KLRG2: variants seen among roughly 807,000 people sequenced by gnomAD.
The protein encoded by KLRG2 is killer cell lectin-like receptor subfamily G member 2.
In KLRG2, 39 loss-of-function variants were observed where a neutral mutation model predicts 35.4. That is an observed-to-expected ratio of 1.10 (90% CI 0.85 to 1.44). The LOEUF is 1.44. Among genes scored for constraint, KLRG2 ranks in the 40% most tolerant of loss-of-function variants. The pLI is 0.00. For missense variants in KLRG2, 632 were observed against 570.9 expected, an observed-to-expected ratio of 1.11 and a Z score of -1.09; for synonymous variants, 283 against 265.8, an observed-to-expected ratio of 1.06 and a Z score of -0.63.
chr7:139,454,860 ATAATAAC>A (rs1362369187), intron 3 of KLRG2, among the ~76,000 whole-genome samples: 78 of 132,948 alleles, frequency 5.9e-4, no homozygotes, highest in African/African-American at 2.3e-3. Context: ...AATAATAATA[ATAATAAC>A]ACACGCAGAT....
intron 3 of KLRG2, among the ~76,000 whole-genome samples, chr7:139,465,249 C>T (rs1585168625): frequency 6.6e-6 from 1 of 152,200 alleles, no homozygotes; most frequent in Non-Finnish European, 1.5e-5. Context: ...GACTACGCAT[C>T]GATATTTATA....
chr7:139,477,822 A>C (rs936272026), intron 3 of KLRG2, among the ~76,000 whole-genome samples: 8 of 151,872 alleles, frequency 5.3e-5, no homozygotes, highest in Non-Finnish European at 1.0e-4. Flanking sequence ...GCAGTGGCAC[A>C]ATCTCGGCTC....
At chr7:139,471,435 GC>G (rs1796753636) in intron 3 of KLRG2, among the ~76,000 whole-genome samples, 1 of 152,130 alleles carries the variant, frequency 6.6e-6, no homozygotes, top group East Asian at 1.9e-4. Flanking sequence ...CCCAAGGTGG[GC>G]AGATCACCTG....
chr7:139,476,478 G>A (rs756577453), intron 3 of KLRG2, among the ~76,000 whole-genome samples: 22 of 151,260 alleles, frequency 1.5e-4, no homozygotes, highest in Non-Finnish European at 3.1e-4. Flanking sequence ...GTCTCACTCT[G>A]TTACCCAGGC....
At chr7:139,429,569 A>G in the KLRG2 span, among the ~76,000 whole-genome samples, 29,155 of 150,892 alleles carry the variant, frequency 0.19, 2,935 homozygotes, top group Middle Eastern at 0.31. Flanking sequence ...GGGAGTGGTG[A>G]TGACTCTTAA....
intron 3 of KLRG2, among the ~76,000 whole-genome samples, chr7:139,464,752 C>G (rs1796621411): frequency 6.6e-6 from 1 of 152,246 alleles, no homozygotes; most frequent in African/African-American, 2.4e-5. Context: ...ACTCTTTTAG[C>G]CTAGCCTTCA....
the KLRG2 span, among the ~76,000 whole-genome samples, chr7:139,447,340 C>A: frequency 6.6e-6 from 1 of 152,010 alleles, no homozygotes; most frequent in East Asian, 1.9e-4. Flanking sequence ...GCCTATTACT[C>A]CTAAGCCACA....
chr7:139,446,385 C>G, the KLRG2 span, among the ~76,000 whole-genome samples: 2 of 146,086 alleles, frequency 1.4e-5, no homozygotes, highest in Non-Finnish European at 1.5e-5. Flanking sequence ...CCTCTGTCGC[C>G]CAGGCTGGAG....
chr7:139,432,544 A>ACCCCC, the KLRG2 span, among the ~76,000 whole-genome samples: 2 of 100,820 alleles, frequency 2.0e-5, no homozygotes, highest in African/African-American at 7.3e-5. Context: ...TGATTGCAGG[A>ACCCCC]CCCCCCCCCC....
the KLRG2 span, among the ~76,000 whole-genome samples, chr7:139,446,344 T>G: frequency 1.4e-5 from 2 of 145,828 alleles, no homozygotes; most frequent in African/African-American, 5.0e-5. Context: ...GGGTTTTTTT[T>G]TTTTTTTTTT....
chr7:139,443,809 G>A, the KLRG2 span, among the ~76,000 whole-genome samples: 5 of 152,014 alleles, frequency 3.3e-5, no homozygotes, highest in Admixed American at 2.6e-4. Context: ...CGCCCACCAC[G>A]GCCTGAGAGG....
chr7:139,467,505 G>T (rs1333093509), intron 3 of KLRG2, among the ~76,000 whole-genome samples: 1 of 152,042 alleles, frequency 6.6e-6, no homozygotes, highest in Non-Finnish European at 1.5e-5. Context: ...AAATTCTTCT[G>T]CCTTGGTATG....
At chr7:139,446,685 T>A in the KLRG2 span, among the ~76,000 whole-genome samples, 11 of 152,132 alleles carry the variant, frequency 7.2e-5, 1 homozygote, top group East Asian at 2.1e-3. Flanking sequence ...TAGCTCCTGG[T>A]CCCCTCCTCC....
chr7:139,460,349 G>T (rs965693102), intron 3 of KLRG2, among the ~76,000 whole-genome samples: 1 of 152,188 alleles, frequency 6.6e-6, no homozygotes, highest in Non-Finnish European at 1.5e-5. Context: ...CCACAGAAAG[G>T]GTAATTTATA....
At chr7:139,481,968 G>A (rs2116488756) in intron 1 of KLRG2, among the ~76,000 whole-genome samples, 1 of 151,974 alleles carries the variant, frequency 6.6e-6, no homozygotes, top group Middle Eastern at 3.4e-3. Flanking sequence ...GAAAAAAATT[G>A]GCTATCTCTT....
the KLRG2 span, among the ~76,000 whole-genome samples, chr7:139,435,098 G>A: frequency 2.0e-5 from 3 of 152,122 alleles, no homozygotes; most frequent in Non-Finnish European, 4.4e-5. Context: ...TTTTTATTGC[G>A]TTTATTCAAA....
intron 1 of KLRG2, among the ~76,000 whole-genome samples, chr7:139,482,069 T>A (rs1407674239): frequency 2.6e-5 from 4 of 151,992 alleles, no homozygotes; most frequent in African/African-American, 9.7e-5. Flanking sequence ...AAGCTCCCCC[T>A]CCCCCACACC....
At chr7:139,427,159 C>G in the KLRG2 span, among the ~76,000 whole-genome samples, 1 of 152,152 alleles carries the variant, frequency 6.6e-6, no homozygotes, top group Non-Finnish European at 1.5e-5. Flanking sequence ...GCTGAGAGAA[C>G]AGGGTTTCCC....
chr7:139,432,677 C>T, the KLRG2 span, among the ~76,000 whole-genome samples: 1 of 151,742 alleles, frequency 6.6e-6, no homozygotes, highest in African/African-American at 2.4e-5. Context: ...TGAGGGTGCA[C>T]AAGTCTCTCA....
Sources: allele counts gnomAD v4.1 joint callset (sites outside exome capture counted in the v4.1 genomes callset), GRCh38; gene constraint gnomAD v4.1.1; transcripts MANE v1.5; gene names NCBI Gene and HGNC (gene_info 2026-07-23, HGNC 2026-07-21).